Variants in LSAMP observed in about 807,000 individuals in gnomAD.
The protein encoded by LSAMP is limbic system associated membrane protein.
Under a neutral mutation model 38.6 loss-of-function variants are expected in LSAMP, and 7 were observed. The observed-to-expected ratio is 0.18, with a 90% CI of 0.10 to 0.34. The LOEUF is 0.34. LSAMP is among the 10% of genes least tolerant of loss of function. The pLI, the probability that LSAMP is intolerant of heterozygous loss-of-function variation, is 1.00. For missense variants in LSAMP, 313 were observed against 420.0 expected (o/e 0.75, Z 2.23); for synonymous variants, 154 against 166.8 (o/e 0.92, Z 0.59).
At chr3:115,902,315 A>G (rs1249591035) in intron 3 of LSAMP, among the ~76,000 whole-genome samples, 1 of 152,088 alleles carries the variant, frequency 6.6e-6, no homozygotes, top group East Asian at 1.9e-4. Flanking sequence ...AAAGACAACA[A>G]TAGGAAACAA....
At chr3:116,382,242 T>A (rs1398471973) in intron 1 of LSAMP, among the ~76,000 whole-genome samples, 3 of 152,042 alleles carry the variant, frequency 2.0e-5, no homozygotes, top group Non-Finnish European at 4.4e-5. Flanking sequence ...TAGCAAATAC[T>A]TGGAGCCAAC....
intron 3 of LSAMP, among the ~76,000 whole-genome samples, chr3:115,873,541 T>A (rs1474973674): frequency 6.6e-6 from 1 of 152,064 alleles, no homozygotes; most frequent in Non-Finnish European, 1.5e-5. Flanking sequence ...TATTTAGTAA[T>A]TAATTTTTCC....
At chr3:116,197,901 A>C (rs144379602) in intron 1 of LSAMP, among the ~76,000 whole-genome samples, 1,902 of 152,230 alleles carry the variant, frequency 0.012, 18 homozygotes, top group South Asian at 0.025. Context: ...TGATATATAG[A>C]TATAAATATA....
At position 116,028,892 on chromosome 3, in the gene LSAMP, T is replaced by G. The variant is rs1940854666; in HGVS notation, c.389-9252A>C. Reference sequence around the variant, plus strand: ...AGATATGTATTGAGCTTTTATCTACTATTATGGAGAGCTATGCCAGTATGT... The same window carrying G: ...AGATATGTATTGAGCTTTTATCTACGATTATGGAGAGCTATGCCAGTATGT... On this transcript the variant is annotated intron_variant, in intron 2 of 6. Transcript: ENST00000490035. Among the ~76,000 whole-genome samples the G allele has an allele frequency of 5.3e-5, 8 of 152,298 alleles. No homozygotes were observed. In the South Asian group the frequency reaches 1.7e-3, roughly 32 times the overall value.
At chr3:116,385,112 AAC>A (rs1553729819) in intron 1 of LSAMP, among the ~76,000 whole-genome samples, 7 of 151,904 alleles carry the variant, frequency 4.6e-5, no homozygotes, top group Non-Finnish European at 7.4e-5. Flanking sequence ...GAAAAAAAAA[AAC>A]ACAAAACCAA....
intron 3 of LSAMP, among the ~76,000 whole-genome samples, chr3:115,930,128 T>C (rs1363431231): frequency 2.0e-5 from 3 of 146,780 alleles, no homozygotes; most frequent in Non-Finnish European, 4.5e-5. Flanking sequence ...TGGAACTCTA[T>C]ACCAGCTCCA....
intron 1 of LSAMP, among the ~76,000 whole-genome samples, chr3:116,246,975 C>T (rs1034504130): frequency 3.9e-5 from 6 of 152,010 alleles, no homozygotes; most frequent in African/African-American, 9.7e-5. Context: ...TTTCCATCCC[C>T]GATTTTTTTG....
intron 3 of LSAMP, among the ~76,000 whole-genome samples, chr3:115,915,730 T>G (rs1277567392): frequency 6.6e-6 from 1 of 152,106 alleles, no homozygotes; most frequent in East Asian, 1.9e-4. Context: ...CCTCCCGGGT[T>G]CAAGCGATTC....
intron 3 of LSAMP, among the ~76,000 whole-genome samples, chr3:115,907,210 T>TG (rs1937027813): frequency 6.6e-6 from 1 of 152,134 alleles, no homozygotes; most frequent in Non-Finnish European, 1.5e-5. Context: ...TTTTTCTTCC[T>TG]GATTTTGCCT....
chr3:115,927,112 T>C (rs939451810), intron 3 of LSAMP, among the ~76,000 whole-genome samples: 2 of 152,244 alleles, frequency 1.3e-5, no homozygotes, highest in Non-Finnish European at 2.9e-5. Context: ...CTCTTCTTTA[T>C]GGGAAATATA....
intron 6 of LSAMP, among the ~76,000 whole-genome samples, chr3:115,823,831 C>T (rs148764398): frequency 4.5e-4 from 68 of 152,242 alleles, no homozygotes; most frequent in Admixed American, 1.6e-3. Flanking sequence ...ATGGTCTTAA[C>T]AGCAATGCAA....
chr3:116,203,610 T>C (rs1182327075), intron 1 of LSAMP, among the ~76,000 whole-genome samples: 1 of 140,998 alleles, frequency 7.1e-6, no homozygotes, highest in Non-Finnish European at 1.5e-5. Context: ...CCATGTGATC[T>C]CATTGTTCAA....
chr3:115,935,522 C>T (rs1306754006), intron 3 of LSAMP, among the ~76,000 whole-genome samples: 1 of 152,172 alleles, frequency 6.6e-6, no homozygotes, highest in Non-Finnish European at 1.5e-5. Context: ...GTATCGGAGG[C>T]TCTGCTATTT....
At chr3:116,324,752 T>C (rs1364815179) in intron 1 of LSAMP, among the ~76,000 whole-genome samples, 1 of 152,184 alleles carries the variant, frequency 6.6e-6, no homozygotes, top group Non-Finnish European at 1.5e-5. Flanking sequence ...AGCTTGTCTT[T>C]TCTAAGCTGG....
chr3:115,930,166 T>C (rs1254588561), intron 3 of LSAMP, among the ~76,000 whole-genome samples: 1 of 152,030 alleles, frequency 6.6e-6, no homozygotes, highest in Non-Finnish European at 1.5e-5. Context: ...TCTGATGCCA[T>C]AAAGAAGGGC....
At chr3:115,868,354 G>C (rs1041360512) in intron 3 of LSAMP, among the ~76,000 whole-genome samples, 15 of 152,056 alleles carry the variant, frequency 9.9e-5, no homozygotes, top group Non-Finnish European at 1.8e-4. Context: ...TCATGTGTCT[G>C]ACCTCCCACT....
At chr3:115,939,570 T>TTCTTTCTTTCTTCTTTCTTTCTTTCTTTC (rs1937833384) in intron 3 of LSAMP, among the ~76,000 whole-genome samples, 4 of 136,764 alleles carry the variant, frequency 2.9e-5, no homozygotes, top group Non-Finnish European at 4.7e-5. Context: ...CTTTCTTTCT[T>TTCTTTCTTTCTTCTTTCTTTCTTTCTTTC]TCTTTCTTTC....
chr3:116,276,833 A>C (rs760099104), intron 1 of LSAMP, among the ~76,000 whole-genome samples: 1 of 152,180 alleles, frequency 6.6e-6, no homozygotes, highest in African/African-American at 2.4e-5. Context: ...CATCCTAGAC[A>C]ACCTGCTGAG....
At position 115,928,679 on chromosome 3, in the gene LSAMP, A is replaced by G. The variant is rs1487537034; in HGVS notation, c.515-76062T>C. On this transcript the variant is annotated intron_variant, in intron 3 of 6. Transcript: ENST00000490035. ...AAGACTGCAGAGTCCTGCAGAGTGC[A>G]GGGGGTGAGGAGGGGCTGTAAAGGA... Among the ~76,000 whole-genome samples, 3 of 144,422 alleles carry G rather than the reference A, an allele frequency of 2.1e-5. No individual in the cohort carries two copies. In the East Asian group the frequency reaches 6.1e-4, roughly 29 times the overall value. 94.7% of individuals were successfully genotyped at this position (144,422 alleles called of 152,430 possible).
Sources: allele counts gnomAD v4.1 joint callset (sites outside exome capture counted in the v4.1 genomes callset), GRCh38; gene constraint gnomAD v4.1.1; transcripts MANE v1.5; gene names NCBI Gene and HGNC (gene_info 2026-07-23, HGNC 2026-07-21).